Variants in GADL1 observed in about 807,000 individuals in gnomAD.
GADL1 encodes the protein acidic amino acid decarboxylase GADL1.
A neutral mutation model predicts 69.5 loss-of-function variants in GADL1; 71 were observed. That is an observed-to-expected ratio of 1.02 (90% CI 0.84 to 1.25). The LOEUF (loss-of-function observed/expected upper bound fraction) is 1.25. Among genes scored for constraint, GADL1 ranks in the 50% most tolerant of loss-of-function variants. The pLI is 0.00. For missense variants in GADL1, 737 were observed against 631.8 expected, an observed-to-expected ratio of 1.17 and a Z score of -1.79; for synonymous variants, 254 against 214.4, an observed-to-expected ratio of 1.18 and a Z score of -1.62.
chr3:30,761,638 C>CT (rs1696136571), intron 14 of GADL1, among the ~76,000 whole-genome samples: 1 of 152,136 alleles, frequency 6.6e-6, no homozygotes, highest in African/African-American at 2.4e-5. Context: ...TTGAAACTAT[C>CT]AATCCTCATC....
intron 14 of GADL1, among the ~76,000 whole-genome samples, chr3:30,758,418 T>TTTC (rs1285958989): frequency 4.6e-5 from 7 of 151,414 alleles, no homozygotes; most frequent in Admixed American, 4.6e-4. Flanking sequence ...CCTTTTATCT[T>TTTC]TCCCGTCTTC....
intron 11 of GADL1, among the ~76,000 whole-genome samples, chr3:30,823,051 C>G (rs1406775337): frequency 6.6e-6 from 1 of 151,930 alleles, no homozygotes; most frequent in Non-Finnish European, 1.5e-5. Context: ...AAAGACCTTC[C>G]CACTGAATAC....
chr3:30,739,361 C>A (rs1325190926), intron 14 of GADL1, among the ~76,000 whole-genome samples: 1 of 152,134 alleles, frequency 6.6e-6, no homozygotes, highest in Non-Finnish European at 1.5e-5. Context: ...GACTATCTAC[C>A]TGCCCCCACC....
chr3:30,803,050 C>A (rs1040276095), intron 11 of GADL1, among the ~76,000 whole-genome samples: 1 of 152,138 alleles, frequency 6.6e-6, no homozygotes, highest in African/African-American at 2.4e-5. Context: ...TGTGAGCACA[C>A]CACAGCTCAC....
Position 30,733,305 on chromosome 3 carries a change from G to T in GADL1, c.1393-4890C>A, listed in dbSNP as rs1393281972. Among the ~76,000 whole-genome samples, 5 of 152,174 alleles carry T rather than the reference G, an allele frequency of 3.3e-5. No homozygotes were observed. The East Asian group carries it at 9.6e-4, about 29-fold the overall frequency. Reference sequence around the variant, plus strand: ...TATTGCAGACTGGTGACACAGATGGGTTGGGATTGCTGCTGTGGCTTTCTT... The same window carrying T: ...TATTGCAGACTGGTGACACAGATGGTTTGGGATTGCTGCTGTGGCTTTCTT... On this transcript the variant is annotated intron_variant, in intron 14 of 14. Coordinates refer to ENST00000282538, the MANE Select transcript of GADL1 (RefSeq NM_207359.3).
chr3:30,763,154 T>A (rs139751933), intron 14 of GADL1, among the ~76,000 whole-genome samples: 1 of 152,286 alleles, frequency 6.6e-6, no homozygotes, highest in African/African-American at 2.4e-5. Context: ...TTTATACATA[T>A]ACATACTCCT....
intron 11 of GADL1, among the ~76,000 whole-genome samples, chr3:30,820,643 G>C (rs917546976): frequency 9.2e-5 from 14 of 152,086 alleles, no homozygotes; most frequent in African/African-American, 2.9e-4. Context: ...CCATTGATGG[G>C]GTTGTTTTTT....
intron 11 of GADL1, among the ~76,000 whole-genome samples, chr3:30,806,094 C>G (rs1697251019): frequency 6.6e-6 from 1 of 152,022 alleles, no homozygotes; most frequent in South Asian, 2.1e-4. Context: ...TCCACAACAA[C>G]AAACCTTTGT....
intron 11 of GADL1, among the ~76,000 whole-genome samples, chr3:30,828,987 GT>G (rs973910593): frequency 3.3e-5 from 5 of 151,524 alleles, no homozygotes; most frequent in African/African-American, 7.3e-5. Context: ...TACCTGTTGA[GT>G]TTTTTTTAAA....
intron 6 of GADL1, 123 bp downstream of exon 6, chr3:30,849,873 G>C: frequency 1.6e-6 from 1 of 616,278 alleles, no homozygotes; most frequent in Non-Finnish European, 2.8e-6. Context: ...GAAATACTAT[G>C]TTATACTGCA....
At chr3:30,866,593 G>C (rs1461288379) in intron 1 of GADL1, among the ~76,000 whole-genome samples, 1 of 152,030 alleles carries the variant, frequency 6.6e-6, no homozygotes, top group Non-Finnish European at 1.5e-5. Context: ...CAAGTGGCTG[G>C]TGAGTTATCA....
At chr3:30,780,267 C>G (rs1172036343) in intron 13 of GADL1, among the ~76,000 whole-genome samples, 3 of 152,148 alleles carry the variant, frequency 2.0e-5, no homozygotes, top group Admixed American at 6.5e-5. Flanking sequence ...GCACTCCAGA[C>G]TAGATTTCTA....
intron 13 of GADL1, among the ~76,000 whole-genome samples, chr3:30,784,485 C>T (rs953999675): frequency 1.1e-4 from 16 of 152,164 alleles, no homozygotes; most frequent in African/African-American, 3.6e-4. Context: ...GGTATGCATG[C>T]AAGATCTTCC....
intron 14 of GADL1, among the ~76,000 whole-genome samples, chr3:30,777,842 G>A (rs900826195): frequency 3.3e-5 from 5 of 152,178 alleles, no homozygotes; most frequent in Admixed American, 2.0e-4. Flanking sequence ...TGGTACAACA[G>A]TCAGAGATGC....
chr3:30,821,175 G>A (rs1008750495), intron 11 of GADL1, among the ~76,000 whole-genome samples: 1 of 152,050 alleles, frequency 6.6e-6, no homozygotes, highest in Non-Finnish European at 1.5e-5. Flanking sequence ...GGACTGCTGG[G>A]TGTGGGGAGG....
chr3:30,767,716 G>A (rs892329229), intron 14 of GADL1, among the ~76,000 whole-genome samples: 3 of 152,058 alleles, frequency 2.0e-5, no homozygotes, highest in Admixed American at 6.6e-5. Context: ...TGAAGGAAAA[G>A]ATTGACAGAT....
intron 6 of GADL1, 43 bp downstream of exon 6, chr3:30,849,953 C>T (rs371268467): frequency 1.7e-5 from 20 of 1,188,404 alleles, no homozygotes; most frequent in Non-Finnish European, 1.8e-5. Flanking sequence ...CTTAAATATG[C>T]TTTCTCAGAA....
chr3:30,754,282 A>AT (rs1559488278), intron 14 of GADL1, among the ~76,000 whole-genome samples: 1 of 152,228 alleles, frequency 6.6e-6, no homozygotes, highest in African/African-American at 2.4e-5. Context: ...GGAGAACCAC[A>AT]TGCAAGCCTT....
intron 14 of GADL1, among the ~76,000 whole-genome samples, chr3:30,762,999 TC>T (rs1454919795): frequency 2.6e-5 from 4 of 152,224 alleles, no homozygotes; most frequent in African/African-American, 4.8e-5. Context: ...TGCTCCCAAA[TC>T]TTAGCTATTG....
Sources: gnomAD v4.1 joint callset for allele counts (sites outside exome capture counted in the v4.1 genomes callset) on GRCh38, gnomAD v4.1.1 for gene constraint, MANE v1.5 for transcripts, NCBI Gene and HGNC (gene_info 2026-07-23, HGNC 2026-07-21) for gene names.